The following ADAM12 variants were observed in gnomAD, a reference collection of about 807,000 sequenced individuals.
The protein encoded by ADAM12 is ADAM metallopeptidase domain 12.
ADAM12 carries 70 observed loss-of-function variants against 106.4 expected under a neutral mutation model. The observed-to-expected ratio is 0.66, with a 90% CI of 0.54 to 0.80. The LOEUF (loss-of-function observed/expected upper bound fraction) is 0.80. ADAM12 is among the 30% of genes least tolerant of loss of function. ADAM12 has a pLI of 0.00. For missense variants in ADAM12, 1,010 were observed against 1,171.9 expected, an observed-to-expected ratio of 0.86 and a Z score of 2.02; for synonymous variants, 420 against 433.5, an observed-to-expected ratio of 0.97 and a Z score of 0.39.
At chr10:126,097,369 C>A (rs1247739563) in intron 10 of ADAM12, among the ~76,000 whole-genome samples, 1 of 152,170 alleles carries the variant, frequency 6.6e-6, no homozygotes, top group Admixed American at 6.5e-5. Flanking sequence ...TGGGGGCAAT[C>A]CCTCCACGCA....
intron 1 of ADAM12, among the ~76,000 whole-genome samples, chr10:126,357,156 C>A (rs1855567597): frequency 6.6e-6 from 1 of 152,126 alleles, no homozygotes; most frequent in Admixed American, 6.5e-5. Flanking sequence ...TCCACCATAA[C>A]ACATATTAAT....
intron 4 of ADAM12, among the ~76,000 whole-genome samples, chr10:126,136,290 G>A (rs1256173453): frequency 6.6e-6 from 1 of 152,188 alleles, no homozygotes; most frequent in Non-Finnish European, 1.5e-5. Context: ...AGAAACCACA[G>A]CACAGACACT....
intron 2 of ADAM12, among the ~76,000 whole-genome samples, chr10:126,286,626 G>T (rs1565191642): frequency 6.6e-6 from 1 of 152,198 alleles, no homozygotes; most frequent in Non-Finnish European, 1.5e-5. Flanking sequence ...ATATCAGTGT[G>T]CTACTTCCAC....
intron 3 of ADAM12, among the ~76,000 whole-genome samples, chr10:126,162,169 C>T (rs536198139): frequency 7.9e-5 from 12 of 152,120 alleles, no homozygotes; most frequent in East Asian, 1.9e-4. Flanking sequence ...GACAGGGACA[C>T]GCCCAAAGCA....
Position 126,388,017 on chromosome 10 carries a change from C to A in ADAM12, c.88+41G>T. On this transcript the variant is annotated intron_variant, in intron 1 of 22. Transcript: ENST00000448723. This position sits in a 1 kb window ranked among gnomAD's most constrained non-coding sequence, Gnocchi z 4.4. Reference sequence around the variant, plus strand: ...GCCCAGGCGCAGCGTGCGGTGCCCTCGGCGGGGCGGGCAGCGAGCCGCCCT... The same window carrying A: ...GCCCAGGCGCAGCGTGCGGTGCCCTAGGCGGGGCGGGCAGCGAGCCGCCCT... 1 of 1,196,094 alleles carries A rather than the reference C, an allele frequency of 8.4e-7. No homozygotes were observed. The highest frequency in any genetic ancestry group is 4.5e-5 in the Admixed American group (1 of 22,436). The allele number at this position is 1,196,094 out of a possible 1,614,324, so 74.1% of individuals were successfully genotyped here.
intron 3 of ADAM12, among the ~76,000 whole-genome samples, chr10:126,180,553 A>G (rs1178703943): frequency 1.3e-5 from 2 of 152,160 alleles, no homozygotes; most frequent in Non-Finnish European, 2.9e-5. Context: ...TTCCAAAAGT[A>G]TGCATCTTTT....
intron 6 of ADAM12, among the ~76,000 whole-genome samples, chr10:126,111,045 A>G (rs754055396): frequency 3.9e-5 from 6 of 152,244 alleles, no homozygotes; most frequent in African/African-American, 9.6e-5. Context: ...TGAGGGAAAC[A>G]TCTTTTATAA....
intron 2 of ADAM12, among the ~76,000 whole-genome samples, chr10:126,288,226 T>C (rs544894070): frequency 7.0e-4 from 107 of 152,246 alleles, no homozygotes; most frequent in African/African-American, 2.5e-3. Flanking sequence ...AGGGAAACCC[T>C]GGACTTTGAA....
At chr10:126,092,995 C>T (rs1955493917) in intron 11 of ADAM12, among the ~76,000 whole-genome samples, 1 of 152,246 alleles carries the variant, frequency 6.6e-6, no homozygotes, top group Non-Finnish European at 1.5e-5. Context: ...TATCCCCTCA[C>T]ACCACGCTTG....
At chr10:126,374,568 A>T (rs1013146441) in intron 1 of ADAM12, among the ~76,000 whole-genome samples, 2 of 152,220 alleles carry the variant, frequency 1.3e-5, no homozygotes, top group Non-Finnish European at 2.9e-5. Context: ...ATATTGAAAA[A>T]TGTGAAGTCA....
At chr10:126,244,191 T>C (rs1590671989) in intron 3 of ADAM12, among the ~76,000 whole-genome samples, 1 of 152,236 alleles carries the variant, frequency 6.6e-6, no homozygotes, top group Non-Finnish European at 1.5e-5. Flanking sequence ...GGGCAAAGTA[T>C]GAATCCAACA....
intron 3 of ADAM12, among the ~76,000 whole-genome samples, chr10:126,207,778 C>T (rs533427606): frequency 6.6e-6 from 1 of 152,206 alleles, no homozygotes; most frequent in Non-Finnish European, 1.5e-5. Flanking sequence ...CACCAATATT[C>T]TTCCAGATTC....
chr10:126,365,245 C>T (rs1341393955), intron 1 of ADAM12, among the ~76,000 whole-genome samples: 2 of 152,114 alleles, frequency 1.3e-5, no homozygotes, highest in Non-Finnish European at 2.9e-5. Flanking sequence ...CCGGTGCCAT[C>T]GTTTACTTCT....
intron 11 of ADAM12, among the ~76,000 whole-genome samples, chr10:126,083,259 G>A (rs1955266383): frequency 6.6e-6 from 1 of 152,252 alleles, no homozygotes; most frequent in African/African-American, 2.4e-5. Context: ...AGATGAGGAA[G>A]CTGAGTGCAG....
chr10:126,046,179 C>A (rs1178233377), intron 16 of ADAM12, 47 bp from the exon 17 acceptor site: 1 of 1,554,678 alleles, frequency 6.4e-7, no homozygotes, highest in Non-Finnish European at 8.9e-7. Context: ...TTTCTCCAAC[C>A]CCTCCAGCAT....
intron 4 of ADAM12, among the ~76,000 whole-genome samples, chr10:126,144,190 A>C (rs1459968175): frequency 6.6e-6 from 1 of 152,210 alleles, no homozygotes; most frequent in East Asian, 1.9e-4. Flanking sequence ...CTCCAGGCAA[A>C]CTGGGCCTGG....
chr10:126,243,546 T>C (rs1193123989), intron 3 of ADAM12, among the ~76,000 whole-genome samples: 1 of 150,158 alleles, frequency 6.7e-6, no homozygotes, highest in Non-Finnish European at 1.5e-5. Flanking sequence ...TTAAAACACT[T>C]ATGGGTGTGT....
chr10:126,379,456 C>T (rs563953752), intron 1 of ADAM12, among the ~76,000 whole-genome samples: 20 of 152,224 alleles, frequency 1.3e-4, no homozygotes, highest in African/African-American at 4.3e-4. Flanking sequence ...AAACCAAACA[C>T]CGCATGTTCT....
At chr10:126,353,743 A>G (rs960023045) in intron 1 of ADAM12, among the ~76,000 whole-genome samples, 1 of 152,232 alleles carries the variant, frequency 6.6e-6, no homozygotes, top group Non-Finnish European at 1.5e-5. Context: ...CTGCTCATGT[A>G]TCTTTCAAAA....
Sources: allele counts gnomAD v4.1 joint callset (sites outside exome capture counted in the v4.1 genomes callset), GRCh38; gene constraint gnomAD v4.1.1; non-coding constraint Gnocchi (gnomAD v3.1); transcripts MANE v1.5; gene names NCBI Gene and HGNC (gene_info 2026-07-23, HGNC 2026-07-21).